SCAF11: variants seen among roughly 807,000 people sequenced by gnomAD.
SCAF11 encodes SR-related CTD associated factor 11.
In SCAF11, 47 loss-of-function variants were observed where a neutral mutation model predicts 140.5. The observed-to-expected ratio is 0.33, with a 90% confidence interval of 0.26 to 0.43. The LOEUF (loss-of-function observed/expected upper bound fraction) is 0.43, where lower values mean the gene tolerates loss of function less well. Among genes scored for constraint, SCAF11 ranks in the 20% least tolerant of loss-of-function variants. The pLI is 1.00. For synonymous variants in SCAF11, 557 were observed against 579.4 expected, an observed-to-expected ratio of 0.96 and a Z score of 0.55; for missense variants, 1,645 against 1,705.1, an observed-to-expected ratio of 0.96 and a Z score of 0.62.
chr12:45,942,813 C>T (rs1945335406), intron 6 of SCAF11, among the ~76,000 whole-genome samples: 2 of 152,150 alleles, frequency 1.3e-5, no homozygotes, highest in African/African-American at 2.4e-5. Flanking sequence ...CAGCTTTATT[C>T]TTCTTTAAAG....
chr12:45,956,255 T>G (rs1945690445), intron 3 of SCAF11: 1 of 682,874 alleles, frequency 1.5e-6, no homozygotes, highest in Non-Finnish European at 2.7e-6. Flanking sequence ...ATACCTATGT[T>G]TATAGGTAGG....
chr12:45,946,656 A>AT (rs1170056493), intron 5 of SCAF11, among the ~76,000 whole-genome samples: 1 of 152,142 alleles, frequency 6.6e-6, no homozygotes, highest in Non-Finnish European at 1.5e-5. Flanking sequence ...AAAAAAATGC[A>AT]TATCTATGAT....
chr12:45,969,958 C>T (rs1414384359), intron 1 of SCAF11, among the ~76,000 whole-genome samples: 6 of 152,146 alleles, frequency 3.9e-5, no homozygotes, highest in East Asian at 1.9e-4. Flanking sequence ...AGTGCAGTGG[C>T]GCATCTCAGC....
chr12:45,927,812 G>A lies in SCAF11; in HGVS notation c.1889C>T (p.Pro630Leu), dbSNP rs1944925385. ...QTVDRQSVKS[P>L]EVQLLGHVET... ...AACATGCCCAAGCAATTGAACCTCT[G>A]GGCTCTTAACAGATTGTCTGTCCAC... is the stretch of plus-strand genomic sequence containing the variant. Residue 630 changes from proline to leucine, a missense_variant, in exon 11 of 15, where the codon CCA (proline) becomes CTA (leucine). Physicochemically the swap from Pro to Leu is moderately conservative, Grantham distance 98. This residue lies in a region of SCAF11 where 1,582 missense variants were observed against 1,609.2 expected (regional missense o/e 0.98). Transcript: ENST00000369367. 2.5e-6 allele frequency: 4 copies of A among 1,613,612 alleles called. No individual in the cohort carries two copies. In the South Asian group the frequency reaches 3.3e-5, roughly 13 times the overall value.
intron 1 of SCAF11, among the ~76,000 whole-genome samples, chr12:45,977,943 T>C (rs1405070709): frequency 1.3e-5 from 2 of 152,296 alleles, no homozygotes; most frequent in Middle Eastern, 6.8e-3. Flanking sequence ...TCCAAAACCC[T>C]AATGATAGCA....
At chr12:45,934,919 C>G (rs960833741) in intron 6 of SCAF11, 6 of 152,780 alleles carry the variant, frequency 3.9e-5, no homozygotes, top group African/African-American at 1.4e-4. Context: ...GTAGCTATCT[C>G]AAGCAGGGGC....
At chr12:45,977,313 T>TA (rs1376123021) in intron 1 of SCAF11, among the ~76,000 whole-genome samples, 1 of 152,162 alleles carries the variant, frequency 6.6e-6, no homozygotes, top group Non-Finnish European at 1.5e-5. Flanking sequence ...GTATGCATCT[T>TA]AAAGGCATTC....
Position 45,948,445 on chromosome 12 carries a change from G to A in SCAF11, c.390C>T (p.Ser130=), listed in dbSNP as rs1187916449. 1.9e-6 allele frequency: 3 copies of A among 1,603,902 alleles called. No homozygotes were observed. The highest frequency in any genetic ancestry group is 2.2e-5 in the East Asian group (1 of 44,692). ...TAAAGTTAATCACTAACCTTATACA[G>A]CTTTTAGAATTTTCATGACAGGAGA... ...KQVSCHENSK[S]CIRRKAIVRE... is the part of the protein sequence containing the mutation. The change falls in exon 5 of 15, where the codon AGC becomes AGT. Residue 130 remains serine, a synonymous_variant. Coordinates refer to ENST00000369367, the MANE Select transcript of SCAF11 (RefSeq NM_004719.3).
At chr12:45,972,897 T>TATATATCGATATATAG (rs1946118724) in intron 1 of SCAF11, among the ~76,000 whole-genome samples, 1 of 64,850 alleles carries the variant, frequency 1.5e-5, no homozygotes, top group African/African-American at 5.9e-5. Flanking sequence ...TATATAGATA[T>TATATATCGATATATAG]ATATATATAT....
chr12:45,976,650 CAG>C (rs1946242542), intron 1 of SCAF11, among the ~76,000 whole-genome samples: 1 of 151,974 alleles, frequency 6.6e-6, no homozygotes, highest in African/African-American at 2.4e-5. Flanking sequence ...GGAACAAAAA[CAG>C]AGGGAACAAA....
intron 1 of SCAF11, among the ~76,000 whole-genome samples, chr12:45,970,812 T>C (rs1946055082): frequency 1.3e-5 from 2 of 152,222 alleles, no homozygotes; most frequent in Non-Finnish European, 2.9e-5. Flanking sequence ...ACAGGTCTTT[T>C]AATAAAATCA....
chr12:45,934,227 A>C lies in SCAF11; in HGVS notation c.581T>G (p.Phe194Cys), dbSNP rs1945119401. ...TTCTCCAGAGTGGCTAACAGAAGAA[A>C]ACATATTGGAGAAAAAATTTCTGAA... ...QCFRNFFSNM[F>C]SSVSHSGESS... The change falls in exon 8 of 15, where the codon TTT becomes TGT. Residue 194 changes from phenylalanine (F) to cysteine (C), a missense_variant. This residue lies in a region of SCAF11 where 1,582 missense variants were observed against 1,609.2 expected (regional missense o/e 0.98). Transcript: ENST00000369367. The C allele has an allele frequency of 1.2e-6, 2 of 1,612,002 alleles. No individual in the cohort carries two copies. The highest frequency in any genetic ancestry group is 1.7e-5 in the Admixed American group (1 of 59,912).
upstream of SCAF11, chr12:45,990,672 A>ACGG (rs1946581890): frequency 3.6e-5 from 37 of 1,024,926 alleles, 1 homozygote; most frequent in South Asian, 1.6e-3. Context: ...TAAGGTGACG[A>ACGG]CGGCGGCAGC....
intron 6 of SCAF11, among the ~76,000 whole-genome samples, chr12:45,944,571 C>A (rs951249521): frequency 1.3e-5 from 2 of 152,100 alleles, no homozygotes; most frequent in Admixed American, 6.5e-5. Context: ...AATAAATGCC[C>A]ACCTCCTCGC....
At chr12:45,964,976 G>A (rs1237512840) in intron 1 of SCAF11, among the ~76,000 whole-genome samples, 1 of 152,122 alleles carries the variant, frequency 6.6e-6, no homozygotes, top group Admixed American at 6.5e-5. Flanking sequence ...GTGTGTGTAT[G>A]TGTGTGTCTC....
intron 3 of SCAF11, chr12:45,955,851 G>T: frequency 3.1e-6 from 1 of 318,908 alleles, no homozygotes. Context: ...TAACATCATT[G>T]GCTTTATGAT....
chr12:45,988,757 C>G (rs555818810), intron 1 of SCAF11, among the ~76,000 whole-genome samples: 42 of 152,240 alleles, frequency 2.8e-4, no homozygotes, highest in African/African-American at 9.4e-4. Context: ...CCAGTGAAAT[C>G]TTAAAATGTA....
Position 45,928,817 on chromosome 12 carries a change from C to T in SCAF11, c.884G>A (p.Gly295Glu). 2 of 1,612,326 alleles carry T rather than the reference C, an allele frequency of 1.2e-6. No homozygotes were observed. The highest frequency in any genetic ancestry group is 1.7e-6 in the Non-Finnish European group (2 of 1,179,802). The stretch of plus-strand genomic sequence containing the variant: ...ACCAGAAGTTTGCTTCTTTTCTTCC[C>T]CTTCTTGAGTATGTGCTAATGCATA... Reference protein sequence around the residue: ...KGYALAHTQEGEEKKQTSGTS... With the variant: ...KGYALAHTQEEEEKKQTSGTS... The change falls in exon 11 of 15, where the codon GGG (glycine) becomes GAG (glutamate). Residue 295 changes from glycine to glutamate, a missense_variant. Transcript: ENST00000369367.
In SCAF11 at chr12:45,927,733, A is replaced by C. The variant is rs1207574428; in HGVS notation, c.1968T>G (p.Asp656Glu). ...IATCDTFGNE[D>E]FNNIQDSENN... is the part of the protein sequence containing the mutation. ...TTTCAGAGTCTTGAATATTATTGAA[A>C]TCTTCATTCCCAAAAGTATCACATG... The change falls in exon 11 of 15, where the codon GAT (aspartate) becomes GAG (glutamate). Residue 656 changes from aspartate to glutamate, a missense_variant. This residue lies in a region of SCAF11 where 1,582 missense variants were observed against 1,609.2 expected (regional missense o/e 0.98). Transcript: ENST00000369367. The C allele has an allele frequency of 2.5e-6, 4 of 1,612,090 alleles. No individual in the cohort carries two copies. The highest frequency in any genetic ancestry group is 3.4e-6 in the Non-Finnish European group (4 of 1,179,366).
Sources: allele counts gnomAD v4.1 joint callset (sites outside exome capture counted in the v4.1 genomes callset), GRCh38; gene constraint gnomAD v4.1.1; regional missense constraint gnomAD v4.1.1; transcripts MANE v1.5; gene names NCBI Gene and HGNC (gene_info 2026-07-23, HGNC 2026-07-21).